Variants in POGZ observed in about 807,000 individuals in gnomAD.
The protein encoded by POGZ is pogo transposable element derived with ZNF domain, also known as pogo transposable element with ZNF domain.
Under a neutral mutation model 134.6 loss-of-function variants are expected in POGZ, and 17 were observed. The ratio of observed to expected loss-of-function variants is 0.13; its 90% CI spans 0.09 to 0.19. The LOEUF is 0.19. POGZ is among the 10% of genes least tolerant of loss of function. POGZ has a pLI of 1.00. For synonymous variants in POGZ, 693 were observed against 657.1 expected (o/e 1.05, Z -0.84); for missense variants, 1,306 against 1,769.7 (o/e 0.74, Z 4.70).
chr1:151,404,514 A>C lies in POGZ; in HGVS notation c.*288T>G. 1 of 1,088,848 alleles carries C rather than the reference A, an allele frequency of 9.2e-7. No individual in the cohort carries two copies. Among genetic ancestry groups the C allele is most frequent in the Non-Finnish European group, 1.1e-6 (1 of 895,976 alleles). 67.4% of individuals were successfully genotyped at this position (1,088,848 alleles called of 1,614,324 possible). ...TCTTAATTTTGTCAGAAAAATACCA[A>C]ACACAGTGATTTAAATTTAAAAAAA... is the stretch of plus-strand genomic sequence containing the variant. On this transcript the variant is annotated 3_prime_UTR_variant, in exon 19 of 19. Transcript: ENST00000271715.
intron 5 of POGZ, among the ~76,000 whole-genome samples, chr1:151,429,138 ACTAT>A (rs1439174334): frequency 1.4e-5 from 2 of 146,408 alleles, no homozygotes; most frequent in African/African-American, 5.0e-5. Flanking sequence ...AAAAAAAAAA[ACTAT>A]CTAGCAGAAT....
At chr1:151,412,522 T>C in intron 10 of POGZ, 126 bp from the exon 11 acceptor site, 1 of 605,460 alleles carries the variant, frequency 1.7e-6, no homozygotes, top group Non-Finnish European at 2.9e-6. Flanking sequence ...ATAGGTCCCT[T>C]CTGTTCTTTC....
Position 151,406,590 on chromosome 1 carries a change from A to G in POGZ, c.2570+17T>C, listed in dbSNP as rs747928516. 7 of 1,608,534 alleles carry G rather than the reference A, an allele frequency of 4.4e-6. No individual in the cohort carries two copies. Among genetic ancestry groups the G allele is most frequent in the Non-Finnish European group, 5.9e-6 (7 of 1,177,606 alleles). Reference sequence around the variant, plus strand: ...ACTGCAAACCAGAAATTAAATTGTGAGGTGAGTTTTTGTTACCTTGAGTGA... The same window carrying G: ...ACTGCAAACCAGAAATTAAATTGTGGGGTGAGTTTTTGTTACCTTGAGTGA... On this transcript the variant is annotated intron_variant, in intron 18 of 18. Coordinates refer to ENST00000271715, the MANE Select transcript of POGZ (RefSeq NM_015100.4).
chr1:151,422,877 C>T (rs1571424215), intron 10 of POGZ, among the ~76,000 whole-genome samples: 1 of 152,160 alleles, frequency 6.6e-6, no homozygotes, highest in African/African-American at 2.4e-5. Flanking sequence ...CAGGCGTGAG[C>T]CACCGTGCCC....
At position 151,424,161 on chromosome 1, in the gene POGZ, A is replaced by T; in HGVS notation, c.1311T>A (p.Ser437=). ...EKTAPVASTP[S]STPIPALSPP... ...GTGACAGAGCAGGAATAGGTGTAGA[A>T]GAGGGTGTGGAAGCAACAGGAGCTG... Residue 437 remains serine, a synonymous_variant, in exon 9 of 19, where the codon TCT becomes TCA. Coordinates refer to ENST00000271715, the MANE Select transcript of POGZ (RefSeq NM_015100.4). 1 of 1,613,966 alleles carries T rather than the reference A, an allele frequency of 6.2e-7. No homozygotes were observed. The highest frequency in any genetic ancestry group is 8.5e-7 in the Non-Finnish European group (1 of 1,179,950).
intron 1 of POGZ, among the ~76,000 whole-genome samples, chr1:151,445,282 GA>G (rs1661105684): frequency 6.6e-6 from 1 of 152,088 alleles, no homozygotes. Flanking sequence ...AACACTTTGG[GA>G]TGCTGAGAAG....
At chr1:151,440,404 G>C (rs1480283450) in intron 3 of POGZ, among the ~76,000 whole-genome samples, 1 of 151,624 alleles carries the variant, frequency 6.6e-6, no homozygotes, top group Non-Finnish European at 1.5e-5. Context: ...AAATTAAATA[G>C]AAACCAATAC....
intron 7 of POGZ, chr1:151,426,296 T>G (rs1025349176): frequency 6.6e-6 from 1 of 151,978 alleles, no homozygotes; most frequent in African/African-American, 2.4e-5. Context: ...AAGCAATTCT[T>G]GTGTCTCAGC....
chr1:151,458,496 C>G (rs1402162242), intron 1 of POGZ, among the ~76,000 whole-genome samples: 1 of 152,016 alleles, frequency 6.6e-6, no homozygotes, highest in East Asian at 1.9e-4. Context: ...GGGATCGGCT[C>G]AGCAATCACT....
Position 151,429,630 on chromosome 1 carries a change from T to C in POGZ, c.541A>G (p.Thr181Ala), listed in dbSNP as rs750938861. 3.1e-6 allele frequency: 5 copies of C among 1,608,392 alleles called. No homozygotes were observed. The highest frequency in any genetic ancestry group is 4.3e-6 in the Non-Finnish European group (5 of 1,174,830). The change falls in exon 5 of 19, where the codon ACG becomes GCG. Residue 181 changes from threonine to alanine, a missense_variant. Physicochemically the swap from Thr to Ala is moderately conservative, Grantham distance 58. Transcript: ENST00000271715. ...GGAACTAGTGTAATTGGTCTAACCGTTTGGCCTTGCTGTACGTTCAGCACA... is the reference window on the plus strand; with the variant it reads ...GGAACTAGTGTAATTGGTCTAACCGCTTGGCCTTGCTGTACGTTCAGCACA... ...GIVLNVQQGQ[T>A]VRPITLVPAP...
intron 4 of POGZ, 135 bp downstream of exon 4, chr1:151,430,531 A>C: frequency 3.2e-6 from 2 of 626,454 alleles, no homozygotes; most frequent in Non-Finnish European, 5.4e-6. Flanking sequence ...ATTACAGAAC[A>C]GTAAAAGAGA....
Position 151,405,484 on chromosome 1 carries a change from G to A in POGZ, c.3551C>T (p.Ala1184Val), listed in dbSNP as rs1653409848. The change falls in exon 19 of 19, where the codon GCT becomes GTT. Residue 1184 changes from alanine to valine, a missense_variant. Coordinates refer to ENST00000271715, the MANE Select transcript of POGZ (RefSeq NM_015100.4). The surrounding 1 kb of genome is among the most constrained non-coding windows in gnomAD (Gnocchi z 4.9). ...VFYRGQMDQP[A>V]NMPDSILLEA... The stretch of plus-strand genomic sequence containing the variant: ...TAGCAATATGGAGTCTGGCATGTTA[G>A]CAGGCTGATCCATCTGCCCTCTGTA... 2 of 1,614,220 alleles carry A rather than the reference G, an allele frequency of 1.2e-6. No individual in the cohort carries two copies. The highest frequency in any genetic ancestry group is 4.5e-5 in the East Asian group (2 of 44,886).
In POGZ at chr1:151,408,682, C is replaced by A; in HGVS notation, c.2061+12G>T. 1.9e-6 allele frequency: 3 copies of A among 1,612,478 alleles called. No individual in the cohort carries two copies. Among genetic ancestry groups the A allele is most frequent in the Non-Finnish European group, 2.5e-6 (3 of 1,179,688 alleles). On this transcript the variant is annotated intron_variant, in intron 13 of 18. Transcript: ENST00000271715. The stretch of plus-strand genomic sequence containing the variant: ...TCCCTGGGCCTATAAAAGACACTGG[C>A]AAACTCTTTACCTTGGTGCCTGGTT...
rs1454854100 is a variant in POGZ at position 151,446,919 on chromosome 1, AAGTT to A, written c.-1-4718_-1-4715del. Among the ~76,000 whole-genome samples, 46 of 152,268 alleles carry A rather than the reference AAGTT, an allele frequency of 3.0e-4. No homozygotes were observed. The Middle Eastern group carries it at 0.01, about 34-fold the overall frequency. On this transcript the variant is annotated intron_variant, in intron 1 of 18. Transcript: ENST00000271715. Reference sequence around the variant, plus strand: ...TGATACAAATTTTAATTGAATAAAAAAGTTAGACATGTATTCGTCACTCAGTTTC... The same window carrying A: ...TGATACAAATTTTAATTGAATAAAAAAGACATGTATTCGTCACTCAGTTTC...
intron 5 of POGZ, 44 bp downstream of exon 5, chr1:151,429,559 T>C: frequency 1.0e-6 from 1 of 977,928 alleles, no homozygotes. Flanking sequence ...AAACAAATCT[T>C]CTGGATGCCA....
intron 10 of POGZ, among the ~76,000 whole-genome samples, chr1:151,420,913 AAT>A (rs1011458649): frequency 6.6e-6 from 1 of 151,596 alleles, no homozygotes; most frequent in African/African-American, 2.4e-5. Flanking sequence ...GCCAATGGGA[AAT>A]ATACGTTCCA....
chr1:151,456,675 G>A (rs1437401276), intron 1 of POGZ, among the ~76,000 whole-genome samples: 2 of 152,114 alleles, frequency 1.3e-5, no homozygotes, highest in African/African-American at 2.4e-5. Flanking sequence ...ATAATAGGCC[G>A]GGCACGGTGG....
At chr1:151,416,146 T>C (rs1469890964) in intron 10 of POGZ, among the ~76,000 whole-genome samples, 1 of 125,596 alleles carries the variant, frequency 8.0e-6, no homozygotes, top group African/African-American at 3.1e-5. Flanking sequence ...ACGCGGAGGT[T>C]GCAGTGAGCT....
intron 12 of POGZ, 25 bp downstream of exon 12, chr1:151,411,600 A>G: frequency 1.3e-6 from 2 of 1,533,220 alleles, no homozygotes; most frequent in East Asian, 4.6e-5. Context: ...ACAAGAGAAT[A>G]TGGGAATTGC....
Sources: gnomAD v4.1 joint callset for allele counts (sites outside exome capture counted in the v4.1 genomes callset) on GRCh38, gnomAD v4.1.1 for gene constraint, Gnocchi (gnomAD v3.1) non-coding constraint, MANE v1.5 for transcripts, NCBI Gene and HGNC (gene_info 2026-07-23, HGNC 2026-07-21) for gene names.